RANBP17: variants seen among roughly 807,000 people sequenced by gnomAD.
RANBP17 encodes ran-binding protein 17.
In RANBP17, 158 loss-of-function variants were observed where a neutral mutation model predicts 141.2. The ratio of observed to expected loss-of-function variants is 1.12; its 90% CI spans 0.98 to 1.28. RANBP17 has a LOEUF of 1.28. Among genes scored for constraint, RANBP17 ranks in the 50% most tolerant of loss-of-function variants. The pLI is 0.00. For missense variants in RANBP17, 1,438 were observed against 1,290.7 expected, an observed-to-expected ratio of 1.11 and a Z score of -1.75; for synonymous variants, 430 against 450.0, an observed-to-expected ratio of 0.96 and a Z score of 0.56.
rs925733117 is a variant in RANBP17, at chr5:171,060,689, G to C, written c.1710+92312G>C. ...GATGCTGGCCTCATAAAATGAGTTA[G>C]GGAGGATTCCCTCTTTTTCTATTGA... On this transcript the variant is annotated intron_variant, in intron 14 of 27. Coordinates refer to ENST00000523189, the MANE Select transcript of RANBP17 (RefSeq NM_022897.5). Among the ~76,000 whole-genome samples, 199 of 152,132 alleles carry C rather than the reference G, an allele frequency of 1.3e-3. 1 individual carries two copies. The highest frequency in any genetic ancestry group is 1.9e-3 in the South Asian group (9 of 4,810).
At chr5:171,196,476 A>T (rs1238029101) in intron 18 of RANBP17, among the ~76,000 whole-genome samples, 1 of 152,148 alleles carries the variant, frequency 6.6e-6, no homozygotes, top group Non-Finnish European at 1.5e-5. Context: ...AAGCATCCTT[A>T]CCTTGGAAAA....
intron 1 of RANBP17, among the ~76,000 whole-genome samples, chr5:170,867,438 A>G (rs1266097691): frequency 1.3e-5 from 2 of 152,216 alleles, no homozygotes; most frequent in African/African-American, 4.8e-5. Flanking sequence ...GCACTAAAAT[A>G]AATATTATCT....
chr5:170,950,318 A>G (rs1297428805), intron 12 of RANBP17, among the ~76,000 whole-genome samples: 1 of 152,148 alleles, frequency 6.6e-6, no homozygotes, highest in African/African-American at 2.4e-5. Flanking sequence ...AATGGGAGAA[A>G]ATATTTGCAA....
intron 12 of RANBP17, among the ~76,000 whole-genome samples, chr5:170,947,273 T>TA: frequency 6.6e-6 from 1 of 152,292 alleles, no homozygotes; most frequent in East Asian, 1.9e-4. Context: ...TATATAATGA[T>TA]TTCTTAATTC....
At chr5:170,866,309 A>AG (rs1410915611) in intron 1 of RANBP17, among the ~76,000 whole-genome samples, 2 of 144,440 alleles carry the variant, frequency 1.4e-5, no homozygotes, top group African/African-American at 5.9e-5. Flanking sequence ...GACTAAGGAG[A>AG]GGGGGAAGCA....
rs1491125081 is a variant in RANBP17, at chr5:171,053,925, A to ATATT, written c.1710+85548_1710+85549insTATT. On this transcript the variant is annotated intron_variant, in intron 14 of 27. Transcript: ENST00000523189. ...TATATATATATATATATATATATAT[A>ATATT]ATTGCTGTATTTGATGCATATATGC... Among the ~76,000 whole-genome samples the ATATT allele has an allele frequency of 6.4e-3, 206 of 32,394 alleles. 26 individuals are homozygous for ATATT. Among genetic ancestry groups the ATATT allele is most frequent in the African/African-American group, 7.3e-3 (82 of 11,296 alleles). The allele number at this position is 32,394 out of a possible 152,430, so 21.3% of individuals were successfully genotyped here.
At chr5:171,017,421 T>A (rs1036087744) in intron 14 of RANBP17, among the ~76,000 whole-genome samples, 1 of 152,190 alleles carries the variant, frequency 6.6e-6, no homozygotes, top group East Asian at 1.9e-4. Flanking sequence ...ATCTATTGTT[T>A]CTTGACTTTT....
At chr5:170,917,022 T>A (rs1772034629) in intron 9 of RANBP17, among the ~76,000 whole-genome samples, 1 of 152,150 alleles carries the variant, frequency 6.6e-6, no homozygotes, top group Non-Finnish European at 1.5e-5. Flanking sequence ...AGCCCTTAGA[T>A]CTCATTTGTG....
chr5:170,881,604 ATTTCT>A (rs1768698624), intron 2 of RANBP17, among the ~76,000 whole-genome samples, 197 bp from the exon 3 acceptor site: 1 of 152,096 alleles, frequency 6.6e-6, no homozygotes, highest in Non-Finnish European at 1.5e-5. Flanking sequence ...TCAACTAATG[ATTTCT>A]TTTAAGAGAT....
chr5:171,154,285 G>GT, intron 14 of RANBP17, among the ~76,000 whole-genome samples: 1 of 151,728 alleles, frequency 6.6e-6, no homozygotes. Context: ...AAGTCAAGGT[G>GT]TTTTTTTCTG....
chr5:171,130,123 A>G (rs534453683), intron 14 of RANBP17, among the ~76,000 whole-genome samples: 1 of 152,300 alleles, frequency 6.6e-6, no homozygotes, highest in East Asian at 1.9e-4. Context: ...GAAGAACTAT[A>G]TCATTGTTGA....
intron 24 of RANBP17, among the ~76,000 whole-genome samples, chr5:171,243,569 T>A (rs950767336): frequency 4.6e-5 from 7 of 152,314 alleles, no homozygotes; most frequent in African/African-American, 1.7e-4. Context: ...ATATGCTAAG[T>A]GTATTTTTAA....
chr5:171,049,344 GT>G (rs1782803704), intron 14 of RANBP17, among the ~76,000 whole-genome samples: 1 of 152,108 alleles, frequency 6.6e-6, no homozygotes, highest in African/African-American at 2.4e-5. Context: ...ATTTGTTTAA[GT>G]TCCTTATAGA....
At chr5:171,213,797 G>C in intron 21 of RANBP17, 59 bp downstream of exon 21, 3 of 1,262,830 alleles carry the variant, frequency 2.4e-6, no homozygotes, top group Non-Finnish European at 2.3e-6. Flanking sequence ...ATCTCCAACA[G>C]TCAGACTTTC....
intron 18 of RANBP17, among the ~76,000 whole-genome samples, chr5:171,186,973 T>C (rs1391999838): frequency 6.6e-6 from 1 of 152,192 alleles, no homozygotes; most frequent in Non-Finnish European, 1.5e-5. Flanking sequence ...ACCCAGCGTT[T>C]GACCTATTAA....
intron 14 of RANBP17, among the ~76,000 whole-genome samples, chr5:171,137,950 G>GATAT (rs67832819): frequency 0.031 from 4,492 of 144,610 alleles, 153 homozygotes; most frequent in East Asian, 0.2. Flanking sequence ...TGATATATGA[G>GATAT]ATATATATAT....
At chr5:171,012,421 T>C (rs1463714014) in intron 14 of RANBP17, among the ~76,000 whole-genome samples, 3 of 152,074 alleles carry the variant, frequency 2.0e-5, no homozygotes, top group African/African-American at 7.2e-5. Context: ...GTCTTTTTGG[T>C]TTACATAAGC....
At chr5:170,997,401 G>C (rs1198113572) in intron 14 of RANBP17, among the ~76,000 whole-genome samples, 2 of 152,144 alleles carry the variant, frequency 1.3e-5, no homozygotes, top group Non-Finnish European at 2.9e-5. Context: ...GTAGGACCCA[G>C]AAATCTGTAT....
At chr5:170,910,285 G>A (rs1771426633) in intron 6 of RANBP17, 1 of 152,598 alleles carries the variant, frequency 6.6e-6, no homozygotes, top group African/African-American at 2.4e-5. Flanking sequence ...TATAATATAG[G>A]GACTCCATCA....
Sources: gnomAD v4.1 joint callset for allele counts (sites outside exome capture counted in the v4.1 genomes callset) on GRCh38, gnomAD v4.1.1 for gene constraint, MANE v1.5 for transcripts, NCBI Gene and HGNC (gene_info 2026-07-23, HGNC 2026-07-21) for gene names.